Variants in KCTD10 observed in about 807,000 individuals in gnomAD.
KCTD10 encodes the protein BTB/POZ domain-containing adapter for CUL3-mediated RhoA degradation protein 3.
Under a neutral mutation model 34.6 loss-of-function variants are expected in KCTD10, and 13 were observed. That is an observed-to-expected ratio of 0.38 (90% CI 0.24 to 0.60). The LOEUF is 0.60. Among genes scored for constraint, KCTD10 ranks in the 20% least tolerant of loss-of-function variants. KCTD10 has a pLI of 0.66. For synonymous variants in KCTD10, 156 were observed against 168.8 expected, an observed-to-expected ratio of 0.92 and a Z score of 0.59; for missense variants, 256 against 420.3, an observed-to-expected ratio of 0.61 and a Z score of 3.42.
intron 4 of KCTD10, 47 bp from the exon 5 acceptor site, chr12:109,457,729 G>T (rs749348647): frequency 1.3e-6 from 2 of 1,586,624 alleles, no homozygotes; most frequent in African/African-American, 2.7e-5. Flanking sequence ...TTGGCAGGCA[G>T]ATGCAATGAA....
At chr12:109,468,494 C>A (rs1566057858) in intron 2 of KCTD10, among the ~76,000 whole-genome samples, 1 of 152,150 alleles carries the variant, frequency 6.6e-6, no homozygotes, top group Non-Finnish European at 1.5e-5. Flanking sequence ...CTTAAGCAAT[C>A]TCAGGCCAAG....
intron 6 of KCTD10, among the ~76,000 whole-genome samples, chr12:109,453,669 C>T (rs1411175637): frequency 1.3e-5 from 2 of 152,210 alleles, no homozygotes; most frequent in Non-Finnish European, 2.9e-5. Context: ...GCCCAAAATA[C>T]AGGCATGGTT....
intron 2 of KCTD10, among the ~76,000 whole-genome samples, chr12:109,466,088 C>T (rs987076597): frequency 2.6e-5 from 4 of 152,072 alleles, no homozygotes; most frequent in Admixed American, 1.3e-4. Flanking sequence ...TGAACCTTTC[C>T]GGGAAGAGTC....
intron 6 of KCTD10, among the ~76,000 whole-genome samples, chr12:109,455,683 TA>T (rs371857757): frequency 1.5e-4 from 23 of 152,302 alleles, no homozygotes; most frequent in African/African-American, 5.1e-4. Context: ...ATTAAAAGTT[TA>T]AAAAGACAGA....
At position 109,460,819 on chromosome 12, in the gene KCTD10, A is replaced by G. The variant is rs778281997; in HGVS notation, c.218-14T>C. 5.0e-6 allele frequency: 8 copies of G among 1,612,798 alleles called. No individual in the cohort carries two copies. Among genetic ancestry groups the G allele is most frequent in the Non-Finnish European group, 4.2e-6 (5 of 1,179,140 alleles). On this transcript the variant is annotated splice_polypyrimidine_tract_variant and intron_variant, in intron 2 of 6. Transcript: ENST00000228495. The surrounding 1 kb of genome is among the most constrained non-coding windows in gnomAD (Gnocchi z 4.5). ...TGAGGATCCAGCCTGCAGAGGGAGG[A>G]GGCAGGGGCTGGTTACATGGGCCCT... is the stretch of plus-strand genomic sequence containing the variant.
intron 1 of KCTD10, chr12:109,471,470 T>C (rs1438204031): frequency 2.1e-6 from 2 of 966,712 alleles, no homozygotes; most frequent in East Asian, 1.1e-4. Flanking sequence ...CACAAGAAAA[T>C]ATGTTTTCAA....
rs1299712588 is a variant in KCTD10 at position 109,449,028 on chromosome 12, A to T, written c.*2567T>A. 2 of 152,174 alleles carry T rather than the reference A, an allele frequency of 1.3e-5. No individual in the cohort carries two copies. Among genetic ancestry groups the T allele is most frequent in the African/African-American group, 4.8e-5 (2 of 41,410 alleles). 9.4% of individuals were successfully genotyped at this position (152,174 alleles called of 1,614,324 possible). A position where few individuals can be genotyped will look rare whatever the true frequency, so the allele number is the denominator to read the frequency against. ...AACAAACAAACAAAAAAAACCCTTG[A>T]TTACGACACACCAAAGCTGTTCCAA... On this transcript the variant is annotated 3_prime_UTR_variant, in exon 7 of 7. Coordinates refer to ENST00000228495, the MANE Select transcript of KCTD10 (RefSeq NM_031954.5).
chr12:109,454,657 A>G (rs1022571317), intron 6 of KCTD10, among the ~76,000 whole-genome samples: 17 of 152,240 alleles, frequency 1.1e-4, no homozygotes, highest in African/African-American at 3.9e-4. Context: ...TGAGCCCAGG[A>G]GTTCAAGGCT....
rs1592847361 is a variant in KCTD10, at chr12:109,469,820, T to C, written c.4-92A>G. On this transcript the variant is annotated intron_variant, in intron 1 of 6. Coordinates refer to ENST00000228495, the MANE Select transcript of KCTD10 (RefSeq NM_031954.5). ...AATCTGGCCTCCAGATGTGTTTTGC[T>C]TGGGCCACGCATACACAGCATTTAA... 10 of 1,551,900 alleles carry C rather than the reference T, an allele frequency of 6.4e-6. No individual in the cohort carries two copies. The East Asian group carries it at 2.3e-4, about 35-fold the overall frequency.
intron 3 of KCTD10, chr12:109,459,257 A>C (rs1873189436): frequency 6.6e-6 from 1 of 152,240 alleles, no homozygotes; most frequent in African/African-American, 2.4e-5. Context: ...AACTTCTGAG[A>C]AAGTAGAACA....
chr12:109,475,525 C>T (rs1365776619), intron 1 of KCTD10, among the ~76,000 whole-genome samples: 1 of 148,988 alleles, frequency 6.7e-6, no homozygotes, highest in Non-Finnish European at 1.5e-5. Context: ...GCCTGGGCTA[C>T]ACCCCAGATC....
chr12:109,455,189 G>C (rs1172305143), intron 6 of KCTD10, among the ~76,000 whole-genome samples: 1 of 152,102 alleles, frequency 6.6e-6, no homozygotes, highest in African/African-American at 2.4e-5. Context: ...GCTACCTTAA[G>C]AACAATATCT....
At chr12:109,474,680 A>G (rs1409418298) in intron 1 of KCTD10, among the ~76,000 whole-genome samples, 3 of 152,172 alleles carry the variant, frequency 2.0e-5, no homozygotes, top group Non-Finnish European at 4.4e-5. Flanking sequence ...CTGACCTGAC[A>G]CATTAAAAAC....
intron 6 of KCTD10, among the ~76,000 whole-genome samples, chr12:109,453,468 C>G (rs1872875486): frequency 6.6e-6 from 1 of 152,212 alleles, no homozygotes; most frequent in South Asian, 2.1e-4. Flanking sequence ...TGCGGGATTA[C>G]AGGTGTGAGC....
chr12:109,470,624 C>A (rs774428939), intron 1 of KCTD10: 35 of 983,632 alleles, frequency 3.6e-5, no homozygotes, highest in Non-Finnish European at 4.0e-5. Flanking sequence ...CACGGCTGGC[C>A]CTACCATTCC....
intron 2 of KCTD10, among the ~76,000 whole-genome samples, chr12:109,463,943 T>C (rs1197002140): frequency 6.6e-6 from 1 of 152,198 alleles, no homozygotes; most frequent in Non-Finnish European, 1.5e-5. Context: ...AGGCAGCAAG[T>C]TCCAGCCCCC....
At chr12:109,471,420 T>C (rs1389856673) in intron 1 of KCTD10, 7 of 985,184 alleles carry the variant, frequency 7.1e-6, no homozygotes, top group African/African-American at 1.7e-5. Context: ...TGGAAAGAAA[T>C]GTTTTCTCAA....
intron 6 of KCTD10, among the ~76,000 whole-genome samples, chr12:109,454,002 AGAGCTTGCAGCCT>A (rs1872904034): frequency 6.6e-6 from 1 of 152,264 alleles, no homozygotes; most frequent in South Asian, 2.1e-4. Context: ...AAGGCTGGTT[AGAGCTTGCAGCCT>A]GAGCCCAACT....
intron 2 of KCTD10, among the ~76,000 whole-genome samples, chr12:109,468,647 C>A (rs920625518): frequency 1.6e-4 from 23 of 141,740 alleles, no homozygotes; most frequent in Admixed American, 2.8e-4. Flanking sequence ...CTCAACAATT[C>A]TTTGCCTTTT....
Sources: allele counts gnomAD v4.1 joint callset (sites outside exome capture counted in the v4.1 genomes callset), GRCh38; gene constraint gnomAD v4.1.1; non-coding constraint Gnocchi (gnomAD v3.1); transcripts MANE v1.5; gene names NCBI Gene and HGNC (gene_info 2026-07-23, HGNC 2026-07-21).